TUT4: variants seen among roughly 807,000 people sequenced by gnomAD.
TUT4 encodes the protein terminal uridylyltransferase 4.
TUT4 carries 36 observed loss-of-function variants against 192.2 expected under a neutral mutation model. That is an observed-to-expected ratio of 0.19 (90% CI 0.14 to 0.25). TUT4 has a LOEUF of 0.25. Ranked by LOEUF, TUT4 falls within the 10% of genes least tolerant of loss-of-function variation. The pLI, the probability that TUT4 is intolerant of heterozygous loss-of-function variation, is 1.00. For synonymous variants in TUT4, 618 were observed against 666.0 expected, an observed-to-expected ratio of 0.93 and a Z score of 1.11; for missense variants, 1,493 against 1,957.2, an observed-to-expected ratio of 0.76 and a Z score of 4.47.
At chr1:52,481,346 A>G in intron 11 of TUT4, 77 bp downstream of exon 11, 3 of 1,491,002 alleles carry the variant, frequency 2.0e-6, no homozygotes, top group Non-Finnish European at 2.8e-6. Flanking sequence ...TCAATCTACA[A>G]TTAAAATAGC....
intron 25 of TUT4, chr1:52,437,382 CAAAA>C (rs1570234972): frequency 6.0e-6 from 1 of 166,560 alleles, no homozygotes; most frequent in East Asian, 1.7e-4. Context: ...GACTTGATGA[CAAAA>C]GAAAGAGATC....
At chr1:52,446,483 G>A (rs374824171) in intron 21 of TUT4, 41 bp from the exon 22 acceptor site, 2 of 1,564,588 alleles carry the variant, frequency 1.3e-6, no homozygotes, top group African/African-American at 2.8e-5. Flanking sequence ...TGTCTATACA[G>A]TACTATCCAA....
chr1:52,489,142 C>T (rs1032633294), intron 8 of TUT4, 107 bp from the exon 9 acceptor site: 18 of 1,109,788 alleles, frequency 1.6e-5, no homozygotes, highest in Non-Finnish European at 1.9e-5. Flanking sequence ...TAACATAGTA[C>T]CGTAAAAGCC....
intron 16 of TUT4, chr1:52,463,038 G>T: frequency 2.0e-6 from 2 of 983,668 alleles, no homozygotes; most frequent in Non-Finnish European, 2.4e-6. Context: ...AACAAAGGAG[G>T]TAATTTTTCT....
At chr1:52,515,549 G>A (rs1440859749) in intron 3 of TUT4, 1 of 390,678 alleles carries the variant, frequency 2.6e-6, no homozygotes, top group African/African-American at 2.0e-5. Context: ...TAAACGACAT[G>A]TAAACAAATA....
At chr1:52,525,105 C>T (rs976698551) in intron 2 of TUT4, among the ~76,000 whole-genome samples, 4 of 152,214 alleles carry the variant, frequency 2.6e-5, no homozygotes, top group African/African-American at 9.7e-5. Flanking sequence ...GTACCACCCT[C>T]CTATCAGACT....
At chr1:52,514,343 AGG>A (rs1678112833) in intron 3 of TUT4, among the ~76,000 whole-genome samples, 1 of 152,194 alleles carries the variant, frequency 6.6e-6, no homozygotes, top group Non-Finnish European at 1.5e-5. Flanking sequence ...TAAGAGGCTG[AGG>A]CAGGAGAATT....
rs191753561 is a variant in TUT4 at position 52,495,069 on chromosome 1, A to G, written c.1266+358T>C. 7.4e-3 allele frequency among the ~76,000 whole-genome samples: 1,125 copies of G among 152,292 alleles called. 17 individuals carry two copies. Among genetic ancestry groups the G allele is most frequent in the African/African-American group, 0.026 (1,084 of 41,568 alleles). ...TTGGAAATGAGAAAACTGAAGCTCA[A>G]AAAGTTCAAGCAACTTGCTTATCAC... On this transcript the variant is annotated intron_variant, in intron 6 of 29. Coordinates refer to ENST00000257177, the MANE Select transcript of TUT4 (RefSeq NM_001009881.3).
At chr1:52,476,447 T>C (rs529335138) in intron 12 of TUT4, among the ~76,000 whole-genome samples, 2 of 152,244 alleles carry the variant, frequency 1.3e-5, no homozygotes, top group African/African-American at 4.8e-5. Flanking sequence ...AAGCCTTAAA[T>C]ATAGATAACC....
At chr1:52,449,066 T>TAC (rs144045393) in intron 20 of TUT4, among the ~76,000 whole-genome samples, 87 of 150,656 alleles carry the variant, frequency 5.8e-4, no homozygotes, top group East Asian at 9.8e-4. Context: ...TATACACTTT[T>TAC]ACACACACAC....
At chr1:52,493,811 T>C (rs1271881678) in intron 6 of TUT4, 149 bp from the exon 7 acceptor site, 2 of 624,376 alleles carry the variant, frequency 3.2e-6, no homozygotes, top group East Asian at 3.1e-5. Context: ...TGTTTTTTTT[T>C]TGTTTTTTTT....
rs1652024659 is a variant in TUT4, at chr1:52,431,450, G to A, written c.4274C>T (p.Pro1425Leu). 1.3e-6 allele frequency: 2 copies of A among 1,587,188 alleles called. No homozygotes were observed. Among genetic ancestry groups the A allele is most frequent in the South Asian group, 2.3e-5 (2 of 88,206 alleles). Residue 1425 changes from proline (P) to leucine (L), a missense_variant, in exon 28 of 30, where the codon CCA (proline) becomes CTA (leucine). Physicochemically the swap from Pro to Leu is moderately conservative, Grantham distance 98 (BLOSUM62 -3). Around this residue, in one of 7 missense-constraint regions of TUT4, gnomAD observed 351 missense variants for 397.8 expected, o/e 0.88. Coordinates refer to ENST00000257177, the MANE Select transcript of TUT4 (RefSeq NM_001009881.3). The part of the protein sequence containing the change: ...TRQSSECSES[P>L]SYSPQPQPFP... ...TGGCTGAGGCTGAGGAGAATAAGAT[G>A]GTGATTCAGACTGCAGACAAAAAAA... is the stretch of plus-strand genomic sequence containing the variant.
At chr1:52,499,896 C>G (rs1475874649) in intron 4 of TUT4, among the ~76,000 whole-genome samples, 2 of 151,740 alleles carry the variant, frequency 1.3e-5, no homozygotes, top group East Asian at 1.9e-4. Context: ...CATGATGAAA[C>G]CCCGTCTCTA....
intron 1 of TUT4, among the ~76,000 whole-genome samples, chr1:52,546,754 C>T (rs1190368892): frequency 6.6e-6 from 1 of 152,128 alleles, no homozygotes; most frequent in South Asian, 2.1e-4. Flanking sequence ...TTGTTATGTA[C>T]ACTTTATCAC....
rs780366531 is a variant in TUT4 at position 52,475,327 on chromosome 1, A to T, written c.2232T>A (p.Asn744Lys). ...TGGTTTCCCCAAGCAGAATACAACC[A>T]TTGGTTGCCATATTGTTCGACTTGA... is the stretch of plus-strand genomic sequence containing the variant. ...KPVKSNNMATNGCILLGETTE... is the reference protein window; with the variant it reads ...KPVKSNNMATKGCILLGETTE... Residue 744 changes from asparagine to lysine, a missense_variant, in exon 13 of 30, where the codon AAT becomes AAA. Physicochemically the swap from Asn to Lys is moderately conservative, Grantham distance 94. Transcript: ENST00000257177. The T allele has an allele frequency of 6.2e-7, 1 of 1,614,088 alleles. No individual in the cohort carries two copies. Among genetic ancestry groups the T allele is most frequent in the South Asian group, 1.1e-5 (1 of 91,078 alleles).
chr1:52,443,011 C>T (rs915026797), intron 24 of TUT4, among the ~76,000 whole-genome samples: 2 of 152,192 alleles, frequency 1.3e-5, no homozygotes, highest in Non-Finnish European at 2.9e-5. Flanking sequence ...CGGAAAGGCA[C>T]AGCGGCTCAC....
At chr1:52,473,814 C>T (rs1356701261) in intron 13 of TUT4, among the ~76,000 whole-genome samples, 3 of 152,024 alleles carry the variant, frequency 2.0e-5, no homozygotes, top group Non-Finnish European at 4.4e-5. Flanking sequence ...TACTGTGATT[C>T]GGTTAAAACT....
chr1:52,510,886 T>C (rs774220834), intron 3 of TUT4, among the ~76,000 whole-genome samples: 12 of 152,226 alleles, frequency 7.9e-5, no homozygotes, highest in Non-Finnish European at 1.5e-4. Context: ...GTCAACATTC[T>C]ACGCAGATTA....
chr1:52,516,121 A>G (rs1192975273), intron 2 of TUT4, 67 bp from the exon 3 acceptor site: 3 of 1,247,062 alleles, frequency 2.4e-6, no homozygotes. Flanking sequence ...TTAATGGAAA[A>G]CAGACATTAA....
Sources: gnomAD v4.1 joint callset for allele counts (sites outside exome capture counted in the v4.1 genomes callset) on GRCh38, gnomAD v4.1.1 for gene constraint, gnomAD v4.1.1 regional missense constraint, MANE v1.5 for transcripts, NCBI Gene and HGNC (gene_info 2026-07-23, HGNC 2026-07-21) for gene names.